The following DCHS2 variants were observed in gnomAD, a reference collection of about 807,000 sequenced individuals.
DCHS2 encodes the protein protocadherin-23.
DCHS2 carries 142 observed loss-of-function variants against 182.4 expected under a neutral mutation model. That is an observed-to-expected ratio of 0.78 (90% CI 0.68 to 0.89). The LOEUF (loss-of-function observed/expected upper bound fraction) is 0.89. Ranked by LOEUF, DCHS2 falls within the 40% of genes least tolerant of loss-of-function variation. DCHS2 has a pLI of 0.00. For missense variants in DCHS2, 4,319 were observed against 4,198.6 expected, an observed-to-expected ratio of 1.03 and a Z score of -0.79; for synonymous variants, 1,740 against 1,663.3, an observed-to-expected ratio of 1.05 and a Z score of -1.12.
chr4:154,315,652 C>G, intron 10 of DCHS2, 96 bp downstream of exon 10: 1 of 1,512,896 alleles, frequency 6.6e-7, no homozygotes. Context: ...AGCAACTGTT[C>G]ATTTTTTCTG....
chr4:154,298,167 G>A lies in DCHS2; in HGVS notation c.6147C>T (p.Pro2049=), dbSNP rs140771226. 1.4e-4 allele frequency: 232 copies of A among 1,613,830 alleles called. 1 individual carries two copies. The South Asian group carries it at 1.6e-3, about 11-fold the overall frequency. The change falls in exon 13 of 20, where the codon CCC becomes CCT. Residue 2049 remains proline, a synonymous_variant. Coordinates refer to ENST00000357232, the MANE Select transcript of DCHS2 (RefSeq NM_001358235.2). ...EQNPFDVFLS[P]ESPTNQTTVI... ...CAGTTGTCTGGTTTGTAGGCGACTC[G>A]GGGGAAAGAAACACATCAAAAGGGT...
intron 1 of DCHS2, among the ~76,000 whole-genome samples, chr4:154,379,416 T>C (rs1231340843): frequency 6.6e-6 from 1 of 152,176 alleles, no homozygotes; most frequent in Admixed American, 6.5e-5. Flanking sequence ...TGCATACAAA[T>C]AGTCTTTGTC....
intron 13 of DCHS2, among the ~76,000 whole-genome samples, chr4:154,280,662 A>T (rs927380079): frequency 6.6e-6 from 1 of 152,166 alleles, no homozygotes; most frequent in Non-Finnish European, 1.5e-5. Context: ...AGCGTATAAC[A>T]AAATTCAACA....
In DCHS2 at chr4:154,356,128, G is replaced by A. The variant is rs56220134; in HGVS notation, c.2476+10082C>T. On this transcript the variant is annotated intron_variant, in intron 3 of 19. Transcript: ENST00000357232. ...AAGACCTTCCAGCGGACAAGATGTG[G>A]AGGTGGAAGACAGTGGTATTCATGC... Among the ~76,000 whole-genome samples the A allele has an allele frequency of 3.1e-3, 474 of 152,240 alleles. 1 individual carries two copies. Among genetic ancestry groups the A allele is most frequent in the Non-Finnish European group, 5.3e-3 (363 of 68,010 alleles).
intron 1 of DCHS2, among the ~76,000 whole-genome samples, chr4:154,382,105 G>A (rs193291727): frequency 1.3e-5 from 2 of 152,204 alleles, no homozygotes; most frequent in East Asian, 3.9e-4. Flanking sequence ...CAATGGAACA[G>A]AAGAGAGAAC....
intron 1 of DCHS2, among the ~76,000 whole-genome samples, chr4:154,414,960 T>C (rs1007039385): frequency 2.6e-5 from 4 of 152,156 alleles, no homozygotes; most frequent in African/African-American, 9.7e-5. Context: ...TGACAGCTGC[T>C]AAGAAGGTGA....
chr4:154,408,888 C>T (rs543131923), intron 1 of DCHS2, among the ~76,000 whole-genome samples: 4 of 152,304 alleles, frequency 2.6e-5, no homozygotes, highest in African/African-American at 9.6e-5. Flanking sequence ...CCACTGGGAA[C>T]ATCTGAGGTT....
chr4:154,458,963 A>T (rs574850453), intron 1 of DCHS2, among the ~76,000 whole-genome samples: 1 of 152,366 alleles, frequency 6.6e-6, no homozygotes, highest in South Asian at 2.1e-4. Flanking sequence ...GATCTAAAAA[A>T]TACCAAATGG....
intron 9 of DCHS2, among the ~76,000 whole-genome samples, chr4:154,318,077 TG>T (rs1174885981): frequency 2.0e-5 from 3 of 152,116 alleles, no homozygotes; most frequent in Non-Finnish European, 4.4e-5. Flanking sequence ...GGACTCACAA[TG>T]GGGGCAAAGA....
chr4:154,315,781 C>T lies in DCHS2; in HGVS notation c.5227G>A (p.Val1743Ile). 6.2e-7 allele frequency: 1 copy of T among 1,614,066 alleles called. No individual in the cohort carries two copies. Among genetic ancestry groups the T allele is most frequent in the Non-Finnish European group, 8.5e-7 (1 of 1,179,970 alleles). Residue 1743 changes from valine to isoleucine, a missense_variant, in exon 10 of 20, where the codon GTT (valine) becomes ATT (isoleucine). Physicochemically the swap from Val to Ile is conservative, Grantham distance 29. Coordinates refer to ENST00000357232, the MANE Select transcript of DCHS2 (RefSeq NM_001358235.2). Reference protein sequence around the residue: ...VKENQNPGEFVTRVEALDRDS... With the variant: ...VKENQNPGEFITRVEALDRDS... ...CTGTCCAGAGCTTCAACCCTGGTAA[C>T]AAACTCCCCTGGATTTTGGTTTTCT...
At chr4:154,400,440 C>T (rs1732122755) in intron 1 of DCHS2, among the ~76,000 whole-genome samples, 1 of 147,894 alleles carries the variant, frequency 6.8e-6, no homozygotes. Flanking sequence ...CAGTAACCAC[C>T]CATCGACCCT....
intron 1 of DCHS2, among the ~76,000 whole-genome samples, chr4:154,433,695 G>A (rs766957110): frequency 3.3e-5 from 5 of 152,040 alleles, no homozygotes; most frequent in Non-Finnish European, 7.4e-5. Flanking sequence ...CGCCAGGCCA[G>A]TACCCGTTGT....
chr4:154,350,403 A>AG (rs143837827), intron 3 of DCHS2, among the ~76,000 whole-genome samples: 3,914 of 152,232 alleles, frequency 0.026, 162 homozygotes, highest in African/African-American at 0.088. Flanking sequence ...GAAGATCTGT[A>AG]GTTTTTTTTA....
chr4:154,404,251 T>G (rs1257665228), intron 1 of DCHS2, among the ~76,000 whole-genome samples: 1 of 152,202 alleles, frequency 6.6e-6, no homozygotes, highest in Non-Finnish European at 1.5e-5. Flanking sequence ...CTAATTTCCA[T>G]TTTAATTTCT....
At position 154,320,769 on chromosome 4, in the gene DCHS2, T is replaced by C. The variant is rs758467610; in HGVS notation, c.4630A>G (p.Ser1544Gly). The change falls in exon 9 of 20, where the codon AGT (serine) becomes GGT (glycine). Residue 1544 changes from serine to glycine, a missense_variant. Physicochemically the swap from Ser to Gly is moderately conservative, Grantham distance 56 (BLOSUM62 0). Coordinates refer to ENST00000357232, the MANE Select transcript of DCHS2 (RefSeq NM_001358235.2). ...AKDDDGSFLN[S>G]RIQYYIESHN... ...GATTCAATGTAGTATTGTATTCTACTGTTCAAAAAACTGCCGTCATCATCT... is the reference window on the plus strand; with the variant it reads ...GATTCAATGTAGTATTGTATTCTACCGTTCAAAAAACTGCCGTCATCATCT... The C allele has an allele frequency of 6.2e-7, 1 of 1,614,136 alleles. No individual in the cohort carries two copies. The highest frequency in any genetic ancestry group is 8.5e-7 in the Non-Finnish European group (1 of 1,179,998).
intron 1 of DCHS2, among the ~76,000 whole-genome samples, chr4:154,395,803 G>A (rs1731906503): frequency 6.6e-6 from 1 of 152,216 alleles, no homozygotes; most frequent in Non-Finnish European, 1.5e-5. Flanking sequence ...AAGGAAAGTA[G>A]ACGAATGAAT....
chr4:154,320,361 A>AC lies in DCHS2; in HGVS notation c.5020+17dup, dbSNP rs1221518770. The AC allele has an allele frequency of 1.9e-6, 3 of 1,585,770 alleles. No individual in the cohort carries two copies. The African/African-American group carries it at 4.1e-5, about 22-fold the overall frequency. The stretch of plus-strand genomic sequence containing the variant: ...ATAAAATAAAATATTTTTAAAAGTG[A>AC]CATATAGGGCACTGTACCTGATGAC... On this transcript the variant is annotated intron_variant, in intron 9 of 19. Transcript: ENST00000357232.
At chr4:154,417,204 T>TGTGTGTGA (rs1560745908) in intron 1 of DCHS2, among the ~76,000 whole-genome samples, 2 of 39,504 alleles carry the variant, frequency 5.1e-5, no homozygotes, top group African/African-American at 9.4e-5. Context: ...TGTGTGTGTG[T>TGTGTGTGA]GAGAGAGAGA....
chr4:154,468,117 A>G (rs1275633707), intron 1 of DCHS2, among the ~76,000 whole-genome samples: 1 of 152,128 alleles, frequency 6.6e-6, no homozygotes, highest in Non-Finnish European at 1.5e-5. Flanking sequence ...ATACAAAAGG[A>G]TTATTAAATA....
Sources: gnomAD v4.1 joint callset for allele counts (sites outside exome capture counted in the v4.1 genomes callset) on GRCh38, gnomAD v4.1.1 for gene constraint, MANE v1.5 for transcripts, NCBI Gene and HGNC (gene_info 2026-07-23, HGNC 2026-07-21) for gene names.